The following HHIPL1 variants were observed in gnomAD, a reference collection of about 807,000 sequenced individuals.
HHIPL1 encodes the protein HHIP-like protein 1.
HHIPL1 carries 43 observed loss-of-function variants against 61.8 expected under a neutral mutation model. The observed-to-expected ratio is 0.70, with a 90% CI of 0.55 to 0.90. HHIPL1 has a LOEUF of 0.90. HHIPL1 is among the 40% of genes least tolerant of loss of function. The pLI is 0.00. For missense variants in HHIPL1, 1,056 were observed against 1,157.7 expected (o/e 0.91, Z 1.28); for synonymous variants, 482 against 515.8 (o/e 0.93, Z 0.89).
the HHIPL1 span, among the ~76,000 whole-genome samples, chr14:99,624,356 G>T: frequency 6.6e-6 from 1 of 152,206 alleles, no homozygotes; most frequent in Non-Finnish European, 1.5e-5. Flanking sequence ...ATCTGTGGAT[G>T]GGTCAGCAGC....
chr14:99,678,795 A>G lies in HHIPL1; in HGVS notation c.*3169A>G, dbSNP rs2056414173. ...GCCTGTGAGCACGTCTAACAGTTACATAGAATAGGGCTTGACAAAGAGTTA... is the reference window on the plus strand; with the variant it reads ...GCCTGTGAGCACGTCTAACAGTTACGTAGAATAGGGCTTGACAAAGAGTTA... On this transcript the variant is annotated 3_prime_UTR_variant, in exon 9 of 9. Coordinates refer to ENST00000330710, the MANE Select transcript of HHIPL1 (RefSeq NM_001127258.3). 1 of 152,278 alleles carries G rather than the reference A, an allele frequency of 6.6e-6. No individual in the cohort carries two copies. Among genetic ancestry groups the G allele is most frequent in the South Asian group, 2.1e-4 (1 of 4,836 alleles). The allele number at this position is 152,278 out of a possible 1,614,324, so 9.4% of individuals were successfully genotyped here.
At chr14:99,645,558 G>A (rs1468606352) in intron 1 of HHIPL1, 96 bp downstream of exon 1, 28 of 1,192,066 alleles carry the variant, frequency 2.3e-5, no homozygotes, top group Non-Finnish European at 2.9e-5. Context: ...CCAAGAGTGG[G>A]CGGCGGACTC....
intron 6 of HHIPL1, among the ~76,000 whole-genome samples, chr14:99,664,336 C>G (rs543856939): frequency 1.3e-5 from 2 of 152,356 alleles, no homozygotes; most frequent in East Asian, 3.9e-4. Flanking sequence ...CCCCCACAGC[C>G]ATTCCTAAGC....
At chr14:99,634,287 C>A in the HHIPL1 span, among the ~76,000 whole-genome samples, 1 of 152,200 alleles carries the variant, frequency 6.6e-6, no homozygotes, top group African/African-American at 2.4e-5. Flanking sequence ...AGCCCCCACA[C>A]TGGGGGGTCC....
rs961547292 is a variant in HHIPL1, at chr14:99,660,693, C to G, written c.1502+287C>G. Reference sequence around the variant, plus strand: ...CGGGTCCCGTGGTCTTCCTCTCCCTCCTGAGAACCATGGGCTCTGGGCCTG... The same window carrying G: ...CGGGTCCCGTGGTCTTCCTCTCCCTGCTGAGAACCATGGGCTCTGGGCCTG... On this transcript the variant is annotated intron_variant, in intron 5 of 8. Coordinates refer to ENST00000330710, the MANE Select transcript of HHIPL1 (RefSeq NM_001127258.3). This position sits in a 1 kb window ranked among gnomAD's most constrained non-coding sequence, Gnocchi z 4.9. Among the ~76,000 whole-genome samples the G allele has an allele frequency of 4.6e-5, 7 of 152,216 alleles. No individual in the cohort carries two copies. The highest frequency in any genetic ancestry group is 1.7e-4 in the African/African-American group (7 of 41,458).
chr14:99,663,010 A>C lies in HHIPL1; in HGVS notation c.1637A>C (p.Glu546Ala). 1 of 1,608,064 alleles carries C rather than the reference A, an allele frequency of 6.2e-7. No homozygotes were observed. Among genetic ancestry groups the C allele is most frequent in the South Asian group, 1.1e-5 (1 of 89,574 alleles). Residue 546 changes from glutamate (E) to alanine (A), a missense_variant, in exon 6 of 9, where the codon GAG becomes GCG. Glu to Ala is a moderately radical substitution (Grantham distance 107). Coordinates refer to ENST00000330710, the MANE Select transcript of HHIPL1 (RefSeq NM_001127258.3). Reference sequence around the variant, plus strand: ...TACCCGTACATCATCTCCTTCGGGGAGGACGAGGCCGGTGAGCACTCCTGA... The same window carrying C: ...TACCCGTACATCATCTCCTTCGGGGCGGACGAGGCCGGTGAGCACTCCTGA... The part of the protein sequence containing the change: ...NYYPYIISFG[E>A]DEAGELYFMS...
At chr14:99,653,781 T>C (rs1271578727) in intron 2 of HHIPL1, among the ~76,000 whole-genome samples, 2 of 152,226 alleles carry the variant, frequency 1.3e-5, no homozygotes, top group African/African-American at 2.4e-5. Flanking sequence ...GGGTCTGACC[T>C]GACCTTGCAC....
the HHIPL1 span, chr14:99,625,800 A>G: frequency 5.3e-5 from 8 of 152,188 alleles, no homozygotes; most frequent in African/African-American, 9.7e-5. Context: ...CTGAGTTTCA[A>G]AGGTTCCTGC....
chr14:99,659,621 C>T lies in HHIPL1; in HGVS notation c.1240C>T (p.Arg414Cys), dbSNP rs2056110232. ...CCCCTCCTCGGGCACTGGCCGCGGG[C>T]GCCTCTTCTGCGGCGACGTGGGCCA... ...GDPSSGTGRG[R>C]LFCGDVGQNK... The change falls in exon 4 of 9, where the codon CGC (arginine) becomes TGC (cysteine). Residue 414 changes from arginine (R) to cysteine (C), a missense_variant. Transcript: ENST00000330710. 1 of 1,549,118 alleles carries T rather than the reference C, an allele frequency of 6.5e-7. No individual in the cohort carries two copies. Among genetic ancestry groups the T allele is most frequent in the Non-Finnish European group, 8.7e-7 (1 of 1,151,448 alleles).
Position 99,652,212 on chromosome 14 carries a change from C to T in HHIPL1, c.256-12C>T. 6.3e-7 allele frequency: 1 copy of T among 1,576,572 alleles called. No individual in the cohort carries two copies. ...TCCACAAAACATCTCTGAGCCATTA[C>T]TGTCTCTGCAGGAATGCTCGCCGTA... On this transcript the variant is annotated splice_polypyrimidine_tract_variant and intron_variant, in intron 1 of 8. Coordinates refer to ENST00000330710, the MANE Select transcript of HHIPL1 (RefSeq NM_001127258.3).
chr14:99,619,826 A>C, the HHIPL1 span, among the ~76,000 whole-genome samples: 1 of 151,240 alleles, frequency 6.6e-6, no homozygotes, highest in African/African-American at 2.4e-5. Flanking sequence ...CAGAACTCCT[A>C]TGGGGACGTG....
At chr14:99,640,416 C>T (rs952769619), upstream of HHIPL1, among the ~76,000 whole-genome samples, 1 of 152,092 alleles carries the variant, frequency 6.6e-6, no homozygotes, top group South Asian at 2.1e-4. Context: ...TCCCAAGTAG[C>T]TGGGACTACA....
the HHIPL1 span, among the ~76,000 whole-genome samples, chr14:99,635,147 G>T: frequency 6.6e-6 from 1 of 152,094 alleles, no homozygotes; most frequent in Non-Finnish European, 1.5e-5. Flanking sequence ...GGTCTGCAGG[G>T]GTGGAGGTCC....
the HHIPL1 span, among the ~76,000 whole-genome samples, chr14:99,618,035 G>A: frequency 6.1e-3 from 923 of 152,332 alleles, 8 homozygotes; most frequent in Non-Finnish European, 0.011. Context: ...GAATTTCAGA[G>A]CAGGGAGGCA....
chr14:99,672,104 C>T (rs978139814), intron 7 of HHIPL1, among the ~76,000 whole-genome samples: 1 of 152,240 alleles, frequency 6.6e-6, no homozygotes, highest in African/African-American at 2.4e-5. Flanking sequence ...GAGCGTGCAG[C>T]CGGTAGGCTG....
At chr14:99,639,341 TTTTTA>T in the HHIPL1 span, among the ~76,000 whole-genome samples, 1 of 152,210 alleles carries the variant, frequency 6.6e-6, no homozygotes, top group Non-Finnish European at 1.5e-5. Context: ...TGGTTGTTTA[TTTTTA>T]TTTTATTATT....
At position 99,652,220 on chromosome 14, in the gene HHIPL1, G is replaced by A. The variant is rs1325649761; in HGVS notation, c.256-4G>A. 1.7e-5 allele frequency: 27 copies of A among 1,589,120 alleles called. No homozygotes were observed. Among genetic ancestry groups the A allele is most frequent in the Non-Finnish European group, 2.1e-5 (25 of 1,166,672 alleles). Reference sequence around the variant, plus strand: ...ACATCTCTGAGCCATTACTGTCTCTGCAGGAATGCTCGCCGTATGCAGCCC... The same window carrying A: ...ACATCTCTGAGCCATTACTGTCTCTACAGGAATGCTCGCCGTATGCAGCCC... On this transcript the variant is annotated splice_polypyrimidine_tract_variant and splice_region_variant and intron_variant, in intron 1 of 8. Coordinates refer to ENST00000330710, the MANE Select transcript of HHIPL1 (RefSeq NM_001127258.3).
intron 6 of HHIPL1, among the ~76,000 whole-genome samples, chr14:99,664,258 C>T (rs1416374490): frequency 6.6e-6 from 1 of 152,162 alleles, no homozygotes; most frequent in Non-Finnish European, 1.5e-5. Context: ...CCCAGAGCCC[C>T]CAGGGCTGTG....
At chr14:99,645,559 C>T (rs2055818870) in intron 1 of HHIPL1, 97 bp downstream of exon 1, 2 of 1,181,234 alleles carry the variant, frequency 1.7e-6, no homozygotes, top group Non-Finnish European at 2.1e-6. Flanking sequence ...CAAGAGTGGG[C>T]GGCGGACTCG....
Sources: allele counts gnomAD v4.1 joint callset (sites outside exome capture counted in the v4.1 genomes callset), GRCh38; gene constraint gnomAD v4.1.1; non-coding constraint Gnocchi (gnomAD v3.1); transcripts MANE v1.5; gene names NCBI Gene and HGNC (gene_info 2026-07-23, HGNC 2026-07-21).